Variants in ANKRD55 observed in about 807,000 individuals in gnomAD.
The protein encoded by ANKRD55 is ankyrin repeat domain 55, also known as ankyrin repeat domain-containing protein 55.
Under a neutral mutation model 60.6 loss-of-function variants are expected in ANKRD55, and 41 were observed. The observed-to-expected ratio is 0.68, with a 90% CI of 0.53 to 0.88. The LOEUF (loss-of-function observed/expected upper bound fraction) is 0.88, where lower values mean the gene tolerates loss of function less well. Ranked by LOEUF, ANKRD55 falls within the 40% of genes least tolerant of loss-of-function variation. The pLI, the probability that ANKRD55 is intolerant of heterozygous loss-of-function variation, is 0.00. For missense variants in ANKRD55, 732 were observed against 767.6 expected, an observed-to-expected ratio of 0.95 and a Z score of 0.55; for synonymous variants, 264 against 290.3, an observed-to-expected ratio of 0.91 and a Z score of 0.92.
At chr5:56,103,179 C>G (rs1024268643) in intron 10 of ANKRD55, among the ~76,000 whole-genome samples, 1 of 152,190 alleles carries the variant, frequency 6.6e-6, no homozygotes, top group African/African-American at 2.4e-5. Flanking sequence ...CTCAGGAAAC[C>G]TATTCTTTAA....
At chr5:56,131,198 G>T (rs998124199) in intron 7 of ANKRD55, among the ~76,000 whole-genome samples, 2 of 151,806 alleles carry the variant, frequency 1.3e-5, no homozygotes, top group Admixed American at 1.3e-4. Context: ...CCTATGCCTA[G>T]GCATATTATT....
At chr5:56,219,048 G>A (rs34372124) in intron 2 of ANKRD55, among the ~76,000 whole-genome samples, 9,921 of 151,912 alleles carry the variant, frequency 0.065, 454 homozygotes, top group African/African-American at 0.13. Flanking sequence ...CGAGGCGGGC[G>A]GATCACTTGA....
intron 7 of ANKRD55, among the ~76,000 whole-genome samples, chr5:56,132,679 C>T (rs367578939): frequency 2.0e-5 from 3 of 151,158 alleles, no homozygotes; most frequent in African/African-American, 7.3e-5. Flanking sequence ...AATAATCACT[C>T]TGAACATCAA....
intron 2 of ANKRD55, among the ~76,000 whole-genome samples, chr5:56,188,344 C>T (rs1236698873): frequency 6.7e-6 from 1 of 150,022 alleles, no homozygotes; most frequent in Non-Finnish European, 1.5e-5. Flanking sequence ...GCCCTGCCCC[C>T]GCAACCCCGC....
chr5:56,184,894 A>G (rs1462353273), intron 2 of ANKRD55, among the ~76,000 whole-genome samples: 2 of 140,842 alleles, frequency 1.4e-5, no homozygotes, highest in East Asian at 4.0e-4. Context: ...ACCTTGTCTT[A>G]AAAAAAAAAA....
chr5:56,172,038 G>C (rs1164185172), intron 4 of ANKRD55, among the ~76,000 whole-genome samples: 1 of 151,364 alleles, frequency 6.6e-6, no homozygotes, highest in Admixed American at 6.6e-5. Flanking sequence ...AGAATGGCGT[G>C]AACCCGGGAG....
chr5:56,222,454 G>C (rs1243812509), intron 2 of ANKRD55, among the ~76,000 whole-genome samples: 1 of 152,226 alleles, frequency 6.6e-6, no homozygotes, highest in Non-Finnish European at 1.5e-5. Flanking sequence ...TCCACCAAAG[G>C]AATGCAGCTC....
At chr5:56,104,178 TG>T (rs1346179361) in intron 10 of ANKRD55, among the ~76,000 whole-genome samples, 1 of 152,254 alleles carries the variant, frequency 6.6e-6, no homozygotes, top group East Asian at 1.9e-4. Flanking sequence ...CACTTACTTT[TG>T]TCAGGAATAG....
chr5:56,159,482 C>T (rs905596167), intron 6 of ANKRD55, among the ~76,000 whole-genome samples: 4 of 151,758 alleles, frequency 2.6e-5, no homozygotes, highest in African/African-American at 7.3e-5. Context: ...AAAGAGAGCA[C>T]GTCTTGAGCC....
intron 2 of ANKRD55, among the ~76,000 whole-genome samples, chr5:56,221,161 C>T (rs149140): frequency 0.36 from 54,416 of 152,028 alleles, 10,856 homozygotes; most frequent in East Asian, 0.84. Context: ...TTTCCTTTCC[C>T]ATCTCCTATG....
At chr5:56,152,935 G>C (rs968047386) in intron 6 of ANKRD55, among the ~76,000 whole-genome samples, 1 of 151,968 alleles carries the variant, frequency 6.6e-6, no homozygotes, top group Non-Finnish European at 1.5e-5. Context: ...AGACAAGAAT[G>C]ATCATTTTAA....
chr5:56,172,728 AT>A (rs34291279), intron 4 of ANKRD55, among the ~76,000 whole-genome samples: 36,000 of 150,316 alleles, frequency 0.24, 7,010 homozygotes, highest in African/African-American at 0.54. Flanking sequence ...TGTGATGGGC[AT>A]TTTTTTTTTA....
At chr5:56,221,569 A>G (rs1488244091) in intron 2 of ANKRD55, among the ~76,000 whole-genome samples, 3 of 152,206 alleles carry the variant, frequency 2.0e-5, no homozygotes, top group African/African-American at 7.2e-5. Flanking sequence ...CGGGAAGCGC[A>G]AGGGGTGGGG....
chr5:56,183,155 A>G (rs1758886335), intron 3 of ANKRD55, among the ~76,000 whole-genome samples: 2 of 152,204 alleles, frequency 1.3e-5, no homozygotes, highest in Non-Finnish European at 2.9e-5. Context: ...TTTTAGTTGC[A>G]TTTAGCAGAA....
chr5:56,165,692 G>T (rs937201371), intron 5 of ANKRD55, among the ~76,000 whole-genome samples: 4 of 152,148 alleles, frequency 2.6e-5, no homozygotes, highest in Non-Finnish European at 5.9e-5. Context: ...CACTTTGGGA[G>T]GCTGAGGTGG....
chr5:56,190,657 A>G (rs542694220), intron 2 of ANKRD55, among the ~76,000 whole-genome samples: 2 of 152,268 alleles, frequency 1.3e-5, no homozygotes, highest in South Asian at 4.1e-4. Context: ...TATTTGGCTC[A>G]TGGTTCTTGA....
At chr5:56,204,063 G>T (rs958357724) in intron 2 of ANKRD55, among the ~76,000 whole-genome samples, 1 of 152,058 alleles carries the variant, frequency 6.6e-6, no homozygotes, top group Non-Finnish European at 1.5e-5. Context: ...GTTTTGATTT[G>T]CATTTCTCTG....
chr5:56,175,739 C>T (rs1758722355), intron 4 of ANKRD55, among the ~76,000 whole-genome samples: 1 of 152,094 alleles, frequency 6.6e-6, no homozygotes. Flanking sequence ...TCTCCACATT[C>T]CTTAGCCTCA....
chr5:56,224,450 A>C (rs1003869767), intron 2 of ANKRD55, among the ~76,000 whole-genome samples: 5 of 152,238 alleles, frequency 3.3e-5, no homozygotes, highest in African/African-American at 1.2e-4. Flanking sequence ...GAGCAAACAC[A>C]TTCAAAAGCT....
Sources: gnomAD v4.1 joint callset for allele counts (sites outside exome capture counted in the v4.1 genomes callset) on GRCh38, gnomAD v4.1.1 for gene constraint, MANE v1.5 for transcripts, NCBI Gene and HGNC (gene_info 2026-07-23, HGNC 2026-07-21) for gene names.